MAP2K6: variants seen among roughly 807,000 people sequenced by gnomAD.
The protein encoded by MAP2K6 is dual specificity mitogen-activated protein kinase kinase 6.
MAP2K6 carries 16 observed loss-of-function variants against 53.7 expected under a neutral mutation model. That is an observed-to-expected ratio of 0.30 (90% CI 0.20 to 0.45). The LOEUF (loss-of-function observed/expected upper bound fraction) is 0.45. Ranked by LOEUF, MAP2K6 falls within the 20% of genes least tolerant of loss-of-function variation. The pLI, the probability that MAP2K6 is intolerant of heterozygous loss-of-function variation, is 1.00. For missense variants in MAP2K6, 204 were observed against 411.9 expected (o/e 0.50, Z 4.37); for synonymous variants, 132 against 143.1 (o/e 0.92, Z 0.55).
At chr17:69,455,814 A>G (rs1349953683) in intron 1 of MAP2K6, among the ~76,000 whole-genome samples, 1 of 149,550 alleles carries the variant, frequency 6.7e-6, no homozygotes, top group African/African-American at 2.5e-5. Context: ...CCAACCCTGC[A>G]GATATGCCTG....
At chr17:69,513,921 C>T (rs776292297) in intron 2 of MAP2K6, among the ~76,000 whole-genome samples, 1 of 152,098 alleles carries the variant, frequency 6.6e-6, no homozygotes, top group Non-Finnish European at 1.5e-5. Context: ...TTGAGACCAG[C>T]CTGGCCAACA....
rs765605493 is a variant in MAP2K6, at chr17:69,483,668, C to T, written c.17-22112C>T. On this transcript the variant is annotated intron_variant, in intron 1 of 11. Coordinates refer to ENST00000590474, the MANE Select transcript of MAP2K6 (RefSeq NM_002758.4). Reference sequence around the variant, plus strand: ...AAACAACCTTGGAAAAGAATGAACTCGGAGGAATCACACTTCCTGATTTCA... The same window carrying T: ...AAACAACCTTGGAAAAGAATGAACTTGGAGGAATCACACTTCCTGATTTCA... Among the ~76,000 whole-genome samples the T allele has an allele frequency of 5.3e-5, 8 of 152,112 alleles. No individual in the cohort carries two copies. In the East Asian group the frequency reaches 9.7e-4, roughly 18 times the overall value.
At chr17:69,522,168 A>G (rs1910518967) in intron 7 of MAP2K6, among the ~76,000 whole-genome samples, 1 of 152,194 alleles carries the variant, frequency 6.6e-6, no homozygotes, top group Non-Finnish European at 1.5e-5. Context: ...TGTGGTTTGG[A>G]TAATTCTTAA....
intron 1 of MAP2K6, among the ~76,000 whole-genome samples, chr17:69,427,642 A>G (rs1356710938): frequency 6.6e-6 from 1 of 152,124 alleles, no homozygotes; most frequent in African/African-American, 2.4e-5. Flanking sequence ...AAGGAGGTGA[A>G]TTGAGTCACC....
intron 11 of MAP2K6, 76 bp downstream of exon 11, chr17:69,536,236 A>G (rs976310543): frequency 3.0e-6 from 3 of 1,008,502 alleles, no homozygotes; most frequent in Non-Finnish European, 4.6e-6. Flanking sequence ...CTAAATTATC[A>G]TCACATCACC....
intron 11 of MAP2K6, among the ~76,000 whole-genome samples, chr17:69,537,952 T>C (rs1911434807): frequency 6.6e-6 from 1 of 152,234 alleles, no homozygotes; most frequent in Non-Finnish European, 1.5e-5. Context: ...TTAAAATTAA[T>C]TTCATATAAA....
chr17:69,506,151 C>G (rs897357552), intron 2 of MAP2K6, among the ~76,000 whole-genome samples: 2 of 152,196 alleles, frequency 1.3e-5, no homozygotes, highest in Admixed American at 6.5e-5. Context: ...TGCCTTTTCC[C>G]TGTAGATTGG....
intron 3 of MAP2K6, among the ~76,000 whole-genome samples, 186 bp from the exon 4 acceptor site, chr17:69,517,314 G>C (rs1026681918): frequency 6.6e-6 from 1 of 152,048 alleles, no homozygotes; most frequent in Non-Finnish European, 1.5e-5. Context: ...TACCGTGGGA[G>C]CTCCTAGACA....
chr17:69,429,060 A>C lies in MAP2K6; in HGVS notation c.16+14060A>C, dbSNP rs73363573. On this transcript the variant is annotated intron_variant, in intron 1 of 11. Transcript: ENST00000590474. ...ACAGGCAGCTTTGATGTACAGATACAGGGACAGGACTTGGTGGTTGGGAGA... is the reference window on the plus strand; with the variant it reads ...ACAGGCAGCTTTGATGTACAGATACCGGGACAGGACTTGGTGGTTGGGAGA... 1.8e-3 allele frequency among the ~76,000 whole-genome samples: 279 copies of C among 152,118 alleles called. 4 individuals are homozygous for C. Among genetic ancestry groups the C allele is most frequent in the African/African-American group, 6.5e-3 (269 of 41,514 alleles).
At chr17:69,529,652 A>G (rs1334627708) in intron 10 of MAP2K6, among the ~76,000 whole-genome samples, 2 of 151,782 alleles carry the variant, frequency 1.3e-5, no homozygotes, top group Non-Finnish European at 2.9e-5. Flanking sequence ...CTGGGACTAC[A>G]GGTGCCCGCC....
rs1350261682 is a variant in MAP2K6, at chr17:69,542,687, A to T, written c.*934A>T. 6.6e-6 allele frequency: 1 copy of T among 152,184 alleles called. No homozygotes were observed. The highest frequency in any genetic ancestry group is 2.4e-5 in the African/African-American group (1 of 41,442). The allele number at this position is 152,184 out of a possible 1,614,324, so 9.4% of individuals were successfully genotyped here. On this transcript the variant is annotated 3_prime_UTR_variant, in exon 12 of 12. Transcript: ENST00000590474. ...GCATCTCTGTTTGGTAAGGAGGACA[A>T]TTGTCAGTTTTGAGGGGGACATGTG...
intron 3 of MAP2K6, 150 bp downstream of exon 3, chr17:69,517,053 A>G (rs982517662): frequency 1.3e-5 from 8 of 631,764 alleles, no homozygotes; most frequent in African/African-American, 7.4e-5. Flanking sequence ...AGTTTTTGCT[A>G]TTTTGAAAGA....
intron 10 of MAP2K6, among the ~76,000 whole-genome samples, chr17:69,534,911 C>G (rs904088949): frequency 6.6e-6 from 1 of 151,808 alleles, no homozygotes; most frequent in Non-Finnish European, 1.5e-5. Context: ...TCATCTTTTT[C>G]TGCATTCTGT....
chr17:69,506,967 T>C (rs1909530625), intron 2 of MAP2K6, among the ~76,000 whole-genome samples: 1 of 152,106 alleles, frequency 6.6e-6, no homozygotes, highest in African/African-American at 2.4e-5. Flanking sequence ...TTTTTTTCTT[T>C]TTTTTTCGGT....
intron 10 of MAP2K6, 61 bp downstream of exon 10, chr17:69,526,770 T>G: frequency 6.4e-7 from 1 of 1,571,788 alleles, no homozygotes; most frequent in South Asian, 1.2e-5. Context: ...CTCATGAATT[T>G]CTTCCATCGG....
intron 1 of MAP2K6, among the ~76,000 whole-genome samples, chr17:69,437,235 T>G (rs1427868430): frequency 1.3e-5 from 2 of 152,248 alleles, no homozygotes; most frequent in African/African-American, 4.8e-5. Flanking sequence ...GTATGTTATG[T>G]GTATTATATA....
At chr17:69,522,069 G>C (rs73363681) in intron 7 of MAP2K6, among the ~76,000 whole-genome samples, 373 of 152,220 alleles carry the variant, frequency 2.5e-3, no homozygotes, top group African/African-American at 8.5e-3. Flanking sequence ...TGATTGTGGT[G>C]ATTGTAGTCA....
chr17:69,529,052 C>T (rs530134210), intron 10 of MAP2K6, among the ~76,000 whole-genome samples: 3 of 151,922 alleles, frequency 2.0e-5, no homozygotes, highest in Non-Finnish European at 2.9e-5. Context: ...TTGGTAAGAA[C>T]GAGGCTGGTG....
At position 69,543,946 on chromosome 17, in the gene MAP2K6, C is replaced by T. The variant is rs1376313643; in HGVS notation, c.*2193C>T. On this transcript the variant is annotated 3_prime_UTR_variant, in exon 12 of 12. Transcript: ENST00000590474. The stretch of plus-strand genomic sequence containing the variant: ...ACCATCTGGGAGCTGTGAACACTGT[C>T]GCTGCCAATGTTCCAGCCACCAGAG... 1.3e-5 allele frequency: 2 copies of T among 152,164 alleles called. No homozygotes were observed. The highest frequency in any genetic ancestry group is 1.9e-4 in the East Asian group (1 of 5,192). 9.4% of individuals were successfully genotyped at this position (152,164 alleles called of 1,614,324 possible).
Sources: gnomAD v4.1 joint callset for allele counts (sites outside exome capture counted in the v4.1 genomes callset) on GRCh38, gnomAD v4.1.1 for gene constraint, MANE v1.5 for transcripts, NCBI Gene and HGNC (gene_info 2026-07-23, HGNC 2026-07-21) for gene names.